Variants in RELN observed in about 807,000 individuals in gnomAD.
The protein encoded by RELN is reelin.
In RELN, 108 loss-of-function variants were observed where a neutral mutation model predicts 427.6. That is an observed-to-expected ratio of 0.25 (90% CI 0.22 to 0.30). RELN has a LOEUF of 0.30. Among genes scored for constraint, RELN ranks in the 10% least tolerant of loss-of-function variants. The pLI, the probability that RELN is intolerant of heterozygous loss-of-function variation, is 1.00. For missense variants in RELN, 3,715 were observed against 4,302.8 expected, an observed-to-expected ratio of 0.86 and a Z score of 3.82; for synonymous variants, 1,524 against 1,513.4, an observed-to-expected ratio of 1.01 and a Z score of -0.16.
At chr7:103,848,655 C>T (rs1476937359) in intron 2 of RELN, among the ~76,000 whole-genome samples, 3 of 152,110 alleles carry the variant, frequency 2.0e-5, no homozygotes, top group South Asian at 2.1e-4. Flanking sequence ...CTAGGTGACA[C>T]GCCTTCACCC....
chr7:103,558,932 G>A (rs1425752985), intron 36 of RELN, among the ~76,000 whole-genome samples: 1 of 151,988 alleles, frequency 6.6e-6, no homozygotes, highest in Non-Finnish European at 1.5e-5. Flanking sequence ...TTAGCTAAAA[G>A]AGAACATTTT....
In RELN at chr7:103,563,042, A is replaced by G. The variant is rs1023596431; in HGVS notation, c.5211-1089T>C. The stretch of plus-strand genomic sequence containing the variant: ...CCCTTTTGCTCCCCTCTTCTCCTGG[A>G]TAAGCCCTACTCAGAGTCAGCTGAG... On this transcript the variant is annotated intron_variant, in intron 34 of 64. Coordinates refer to ENST00000428762, the MANE Select transcript of RELN (RefSeq NM_005045.4). This position sits in a 1 kb window ranked among gnomAD's most constrained non-coding sequence, Gnocchi z 4.1. Among the ~76,000 whole-genome samples the G allele has an allele frequency of 6.6e-6, 1 of 152,126 alleles. No individual in the cohort carries two copies. Among genetic ancestry groups the G allele is most frequent in the African/African-American group, 2.4e-5 (1 of 41,420 alleles).
chr7:103,749,868 T>G (rs952500363), intron 5 of RELN, among the ~76,000 whole-genome samples: 11 of 152,232 alleles, frequency 7.2e-5, no homozygotes, highest in Admixed American at 5.9e-4. Context: ...TCTTGAATTG[T>G]AGTTCCCATA....
intron 2 of RELN, 123 bp from the exon 3 acceptor site, chr7:103,833,795 A>G: frequency 1.1e-6 from 1 of 918,764 alleles, no homozygotes; most frequent in Admixed American, 2.0e-5. Flanking sequence ...TGGCTTCCCA[A>G]TAAGTTATGT....
chr7:103,643,134 T>TA (rs1015115939), intron 16 of RELN, among the ~76,000 whole-genome samples: 4 of 152,054 alleles, frequency 2.6e-5, no homozygotes, highest in Non-Finnish European at 4.4e-5. Context: ...TCTAAATTAT[T>TA]AAAAAATAAC....
In RELN at chr7:103,887,913, T is replaced by C. The variant is rs773842541; in HGVS notation, c.337+29162A>G. ...GCTCATCTCTCATTACATACAGCCATAAAATGGCAAAATAACTAGGATAGA... is the reference window on the plus strand; with the variant it reads ...GCTCATCTCTCATTACATACAGCCACAAAATGGCAAAATAACTAGGATAGA... On this transcript the variant is annotated intron_variant, in intron 2 of 64. Coordinates refer to ENST00000428762, the MANE Select transcript of RELN (RefSeq NM_005045.4). Among the ~76,000 whole-genome samples the C allele has an allele frequency of 1.2e-4, 18 of 152,230 alleles. No individual in the cohort carries two copies. The South Asian group carries it at 1.5e-3, about 12-fold the overall frequency.
chr7:103,974,671 A>T (rs774059181), intron 1 of RELN, among the ~76,000 whole-genome samples: 1 of 152,156 alleles, frequency 6.6e-6, no homozygotes, highest in Non-Finnish European at 1.5e-5. Context: ...TGTCCAAGTA[A>T]ATTTCTCTTA....
At chr7:103,663,599 T>C (rs540875125) in intron 11 of RELN, among the ~76,000 whole-genome samples, 7 of 152,280 alleles carry the variant, frequency 4.6e-5, no homozygotes, top group African/African-American at 1.7e-4. Context: ...TGACCACCAC[T>C]TCCACTCAAA....
chr7:103,552,032 G>C (rs1259913716), intron 40 of RELN, among the ~76,000 whole-genome samples: 1 of 151,876 alleles, frequency 6.6e-6, no homozygotes, highest in Non-Finnish European at 1.5e-5. Context: ...TCTTCATGCT[G>C]TGCATTGGAT....
chr7:103,797,012 T>G (rs1345865193), intron 3 of RELN, among the ~76,000 whole-genome samples: 2 of 152,186 alleles, frequency 1.3e-5, no homozygotes, highest in East Asian at 3.8e-4. Context: ...GATTTATTCT[T>G]TAGAATATTA....
chr7:103,899,334 G>C (rs58098888), intron 2 of RELN, among the ~76,000 whole-genome samples: 52,941 of 151,708 alleles, frequency 0.35, 9,662 homozygotes, highest in East Asian at 0.67. Flanking sequence ...CAGGACCAGA[G>C]AGATTCACAG....
At chr7:103,703,156 A>G (rs539635099) in intron 8 of RELN, among the ~76,000 whole-genome samples, 26 of 152,276 alleles carry the variant, frequency 1.7e-4, no homozygotes, top group African/African-American at 6.3e-4. Flanking sequence ...GGAAGGTACC[A>G]GCTGGAAGGA....
At chr7:103,808,101 A>G (rs550674361) in intron 3 of RELN, among the ~76,000 whole-genome samples, 2 of 152,272 alleles carry the variant, frequency 1.3e-5, no homozygotes, top group South Asian at 4.1e-4. Context: ...AAGTCTGTTT[A>G]AAAGATTCTG....
chr7:103,635,397 C>A (rs1293124039), intron 19 of RELN, 28 bp downstream of exon 19: 1 of 1,611,090 alleles, frequency 6.2e-7, no homozygotes, highest in Non-Finnish European at 8.5e-7. Flanking sequence ...CACTCTACAA[C>A]CATTTTTCCA....
chr7:103,754,747 G>C (rs1466990000), intron 4 of RELN, among the ~76,000 whole-genome samples: 1 of 152,122 alleles, frequency 6.6e-6, no homozygotes, highest in East Asian at 1.9e-4. Context: ...TCACACTCCA[G>C]CCTGAGCAAG....
intron 1 of RELN, among the ~76,000 whole-genome samples, chr7:103,936,552 A>G (rs6967257): frequency 0.46 from 69,810 of 151,470 alleles, 16,745 homozygotes; most frequent in East Asian, 0.73. Context: ...CTTGGATATA[A>G]GACAAAATCC....
intron 2 of RELN, among the ~76,000 whole-genome samples, chr7:103,906,872 T>C (rs1584354010): frequency 6.6e-6 from 1 of 152,160 alleles, no homozygotes; most frequent in African/African-American, 2.4e-5. Flanking sequence ...GGCTAAGCAA[T>C]TTTAATCTTC....
chr7:103,663,438 C>T (rs1043360611), intron 11 of RELN, among the ~76,000 whole-genome samples: 4 of 152,166 alleles, frequency 2.6e-5, no homozygotes, highest in African/African-American at 7.2e-5. Context: ...CCTGTCCTCA[C>T]TTTCCTCTGC....
At chr7:103,983,829 T>C (rs112674257) in intron 1 of RELN, among the ~76,000 whole-genome samples, 1,852 of 151,812 alleles carry the variant, frequency 0.012, 34 homozygotes, top group African/African-American at 0.043. Flanking sequence ...ATCCAGTTTT[T>C]CTATTTCTAT....
Sources: gnomAD v4.1 joint callset for allele counts (sites outside exome capture counted in the v4.1 genomes callset) on GRCh38, gnomAD v4.1.1 for gene constraint, Gnocchi (gnomAD v3.1) non-coding constraint, MANE v1.5 for transcripts, NCBI Gene and HGNC (gene_info 2026-07-23, HGNC 2026-07-21) for gene names.